The following PCDHGA11 variants were observed in gnomAD, a reference collection of about 807,000 sequenced individuals.
PCDHGA11 encodes protocadherin gamma subfamily A, 11, also known as protocadherin gamma-A11.
PCDHGA11 carries 39 observed loss-of-function variants against 60.4 expected under a neutral mutation model. That is an observed-to-expected ratio of 0.65 (90% confidence interval 0.50 to 0.84). PCDHGA11 has a LOEUF of 0.84. Ranked by LOEUF, PCDHGA11 falls within the 40% of genes least tolerant of loss-of-function variation. PCDHGA11 has a pLI of 0.00. For missense variants in PCDHGA11, 1,165 were observed against 1,197.7 expected (o/e 0.97, Z 0.40); for synonymous variants, 533 against 510.3 (o/e 1.04, Z -0.60).
rs2099883697 is a variant in PCDHGA11, at chr5:141,511,284, G to T, written c.*111G>T. On this transcript the variant is annotated 3_prime_UTR_variant, in exon 4 of 4. Coordinates refer to ENST00000398587, the MANE Select transcript of PCDHGA11 (RefSeq NM_018914.3). ...AGGGCTAACCCCCAGAATACTGGTA[G>T]GGGCCAAGGCCATGCTCCCCTTGGG... 6.5e-7 allele frequency: 1 copy of T among 1,528,258 alleles called. No homozygotes were observed. Among genetic ancestry groups the T allele is most frequent in the African/African-American group, 1.4e-5 (1 of 72,674 alleles). 94.7% of individuals were successfully genotyped at this position (1,528,258 alleles called of 1,614,324 possible). A position where few individuals can be genotyped will look rare whatever the true frequency, so the allele number is the denominator to read the frequency against.
intron 1 of PCDHGA11, among the ~76,000 whole-genome samples, chr5:141,437,723 G>A (rs2097904411): frequency 6.6e-6 from 1 of 150,736 alleles, no homozygotes; most frequent in South Asian, 2.1e-4. Context: ...ACCCTCTAAT[G>A]TTACACTTTG....
rs192631651 is a variant in PCDHGA11, at chr5:141,432,052, C to G, written c.2433+8392C>G. On this transcript the variant is annotated intron_variant, in intron 1 of 3. Transcript: ENST00000398587. The surrounding 1 kb of genome is among the most constrained non-coding windows in gnomAD (Gnocchi z 6.0). Reference sequence around the variant, plus strand: ...CCGCCACTGACCGGGGAACCCCGCCCCTATCCACGGAAACTCATATCTCGC... The same window carrying G: ...CCGCCACTGACCGGGGAACCCCGCCGCTATCCACGGAAACTCATATCTCGC... The G allele has an allele frequency of 8.1e-6, 13 of 1,614,226 alleles. No homozygotes were observed. In the Admixed American group the frequency reaches 1.8e-4, roughly 23 times the overall value.
chr5:141,427,109 C>A lies in PCDHGA11; in HGVS notation c.2433+3449C>A, dbSNP rs141512367. On this transcript the variant is annotated intron_variant, in intron 1 of 3. Coordinates refer to ENST00000398587, the MANE Select transcript of PCDHGA11 (RefSeq NM_018914.3). ...AGGATGAGGGTGTCAATGCGGAGAT[C>A]ACCTACTCTTTCAAATCCCTACGAG... 1,737 of 457,784 alleles carry A rather than the reference C, an allele frequency of 3.8e-3. 17 individuals carry two copies. Among genetic ancestry groups the A allele is most frequent in the Admixed American group, 0.01 (426 of 42,600 alleles). 28.4% of individuals were successfully genotyped at this position (457,784 alleles called of 1,614,324 possible). A position where few individuals can be genotyped will look rare whatever the true frequency, so the allele number is the denominator to read the frequency against.
intron 2 of PCDHGA11, among the ~76,000 whole-genome samples, chr5:141,495,663 G>T (rs756466649): frequency 6.6e-6 from 1 of 152,050 alleles, no homozygotes; most frequent in African/African-American, 2.4e-5. Context: ...GATCTGTGCC[G>T]CCCACTGTGC....
chr5:141,473,193 A>G (rs938175797), intron 1 of PCDHGA11, among the ~76,000 whole-genome samples: 2 of 152,232 alleles, frequency 1.3e-5, no homozygotes, highest in African/African-American at 4.8e-5. Flanking sequence ...GAGTAAATGT[A>G]TCTTCTAAAA....
At chr5:141,435,010 G>A (rs2097736933) in intron 1 of PCDHGA11, among the ~76,000 whole-genome samples, 1 of 151,950 alleles carries the variant, frequency 6.6e-6, no homozygotes, top group Non-Finnish European at 1.5e-5. Flanking sequence ...ATTTATCAAT[G>A]ATAATGCTCT....
intron 1 of PCDHGA11, chr5:141,441,823 C>T (rs538052540): frequency 3.9e-5 from 14 of 357,336 alleles, no homozygotes; most frequent in Non-Finnish European, 6.6e-5. Context: ...AGCTCTGGAG[C>T]GCAATGGCTT....
chr5:141,489,776 C>T lies in PCDHGA11; in HGVS notation c.2434-5031C>T. The T allele has an allele frequency of 6.2e-7, 1 of 1,614,202 alleles. No homozygotes were observed. Among genetic ancestry groups the T allele is most frequent in the Non-Finnish European group, 8.5e-7 (1 of 1,180,020 alleles). On this transcript the variant is annotated intron_variant, in intron 1 of 3. Transcript: ENST00000398587. This position sits in a 1 kb window ranked among gnomAD's most constrained non-coding sequence, Gnocchi z 4.5. ...ACTCTAAGCCCCAACAGCCACTTCT[C>T]TCTGAATGTGAAGACCCTAAAAGAT...
chr5:141,447,650 TC>T (rs1036312126), intron 1 of PCDHGA11, among the ~76,000 whole-genome samples: 1 of 151,988 alleles, frequency 6.6e-6, no homozygotes, highest in Non-Finnish European at 1.5e-5. Context: ...GGTAGAATTT[TC>T]CCCCCCAGGA....
rs766638463 is a variant in PCDHGA11 at position 141,476,525 on chromosome 5, A to G, written c.2434-18282A>G. ...CAACGACAACAATCCTGCTTTCCCT[A>G]CCCAGGAAATGAAATTGGAGATTAG... On this transcript the variant is annotated intron_variant, in intron 1 of 3. Transcript: ENST00000398587. This position sits in a 1 kb window ranked among gnomAD's most constrained non-coding sequence, Gnocchi z 7.6. 6 of 1,613,950 alleles carry G rather than the reference A, an allele frequency of 3.7e-6. No homozygotes were observed. The African/African-American group carries it at 6.7e-5, about 18-fold the overall frequency.
chr5:141,454,564 G>A (rs896426143), intron 1 of PCDHGA11, among the ~76,000 whole-genome samples: 1 of 151,874 alleles, frequency 6.6e-6, no homozygotes, highest in Non-Finnish European at 1.5e-5. Context: ...GTGCCACCAC[G>A]CCCGGCTAAT....
chr5:141,510,194 G>A (rs920127442), intron 3 of PCDHGA11, among the ~76,000 whole-genome samples: 1 of 151,462 alleles, frequency 6.6e-6, no homozygotes, highest in Non-Finnish European at 1.5e-5. Context: ...AATCACTTGA[G>A]CCCAGGAGGC....
chr5:141,457,127 C>G (rs2098910262), intron 1 of PCDHGA11, among the ~76,000 whole-genome samples: 1 of 152,200 alleles, frequency 6.6e-6, no homozygotes, highest in Admixed American at 6.5e-5. Flanking sequence ...AATGGAAACT[C>G]TGTCCAATAT....
At chr5:141,505,306 T>C in intron 2 of PCDHGA11, 87 bp from the exon 3 acceptor site, 4 of 1,596,550 alleles carry the variant, frequency 2.5e-6, no homozygotes, top group Non-Finnish European at 3.4e-6. Context: ...GTTAGGGTAC[T>C]AGGTTTGGGA....
In PCDHGA11 at chr5:141,431,321, G is replaced by A. The variant is rs112186927; in HGVS notation, c.2433+7661G>A. The A allele has an allele frequency of 1.2e-6, 2 of 1,613,938 alleles. No individual in the cohort carries two copies. The highest frequency in any genetic ancestry group is 1.3e-5 in the African/African-American group (1 of 74,910). ...CCTCATCGTGCAAAATGGAGCCGAC[G>A]GTAGTAAGTACCCCGAATTGGTGCT... is the stretch of plus-strand genomic sequence containing the variant. On this transcript the variant is annotated intron_variant, in intron 1 of 3. Transcript: ENST00000398587. The surrounding 1 kb of genome is among the most constrained non-coding windows in gnomAD (Gnocchi z 4.8).
chr5:141,422,907 G>C lies in PCDHGA11; in HGVS notation c.1680G>C (p.Ala560=), dbSNP rs1330364637. The C allele has an allele frequency of 2.5e-6, 4 of 1,614,078 alleles. No individual in the cohort carries two copies. The highest frequency in any genetic ancestry group is 3.4e-6 in the Non-Finnish European group (4 of 1,180,038). Residue 560 remains alanine, a synonymous_variant, in exon 1 of 4, where the codon GCG becomes GCC. Coordinates refer to ENST00000398587, the MANE Select transcript of PCDHGA11 (RefSeq NM_018914.3). ...TCGTGCTGGACCAGAACGACAATGC[G>C]CCCGAGATCCTGTACCCTGCCCTCC... is the stretch of plus-strand genomic sequence containing the variant. The part of the protein sequence containing the change: ...SLFVLDQNDN[A]PEILYPALPT...
At chr5:141,498,958 A>T (rs1200201746) in intron 2 of PCDHGA11, among the ~76,000 whole-genome samples, 2 of 123,248 alleles carry the variant, frequency 1.6e-5, no homozygotes, top group Admixed American at 1.8e-4. Flanking sequence ...AAAGAGAGAG[A>T]GGGAGGGAGG....
At chr5:141,497,733 T>G (rs2099779006) in intron 2 of PCDHGA11, among the ~76,000 whole-genome samples, 2 of 152,078 alleles carry the variant, frequency 1.3e-5, no homozygotes, top group Non-Finnish European at 2.9e-5. Context: ...AGAGATGGGT[T>G]TCGCCACGTT....
At chr5:141,492,121 C>G (rs1205499685) in intron 1 of PCDHGA11, among the ~76,000 whole-genome samples, 1 of 152,232 alleles carries the variant, frequency 6.6e-6, no homozygotes, top group Non-Finnish European at 1.5e-5. Context: ...CGATTTCTCC[C>G]CAGCTCCCAG....
Sources: allele counts gnomAD v4.1 joint callset (sites outside exome capture counted in the v4.1 genomes callset), GRCh38; gene constraint gnomAD v4.1.1; non-coding constraint Gnocchi (gnomAD v3.1); transcripts MANE v1.5; gene names NCBI Gene and HGNC (gene_info 2026-07-23, HGNC 2026-07-21).